The following DDX11 variants were observed in gnomAD, a reference collection of about 807,000 sequenced individuals.
DDX11 encodes the protein ATP-dependent DNA helicase DDX11.
A neutral mutation model predicts 125.2 loss-of-function variants in DDX11; 72 were observed. The ratio of observed to expected loss-of-function variants is 0.58; its 90% CI spans 0.48 to 0.70. The LOEUF (loss-of-function observed/expected upper bound fraction) is 0.70. Among genes scored for constraint, DDX11 ranks in the 30% least tolerant of loss-of-function variants. The pLI is 0.00. For missense variants in DDX11, 883 were observed against 1,165.0 expected, an observed-to-expected ratio of 0.76 and a Z score of 3.52; for synonymous variants, 347 against 452.6, an observed-to-expected ratio of 0.77 and a Z score of 2.96.
intron 12 of DDX11, chr12:31,094,214 C>T (rs1944804536): frequency 9.1e-6 from 3 of 329,380 alleles, no homozygotes; most frequent in South Asian, 2.7e-5. Context: ...GAGCTGGTCT[C>T]GTGTTGCTGC....
chr12:31,080,859 G>A (rs974594217), intron 2 of DDX11, among the ~76,000 whole-genome samples: 1 of 152,104 alleles, frequency 6.6e-6, no homozygotes, highest in African/African-American at 2.4e-5. Context: ...ATCTTCCCAC[G>A]TCAGCCTCCT....
intron 2 of DDX11, among the ~76,000 whole-genome samples, chr12:31,079,709 G>A (rs1415286167): frequency 4.4e-3 from 565 of 129,192 alleles, no homozygotes; most frequent in African/African-American, 0.011. Context: ...GGCTGGTCTC[G>A]AACTCAAGCG....
At chr12:31,102,385 A>G in intron 22 of DDX11, 42 bp from the exon 23 acceptor site, 1 of 1,610,738 alleles carries the variant, frequency 6.2e-7, no homozygotes, top group Non-Finnish European at 8.5e-7. Flanking sequence ...GGTGTCATCC[A>G]AGTTTTGGCT....
intron 14 of DDX11, 112 bp from the exon 15 acceptor site, chr12:31,096,222 CAGAAGGT>C: frequency 7.7e-7 from 1 of 1,294,648 alleles, no homozygotes; most frequent in Non-Finnish European, 1.1e-6. Flanking sequence ...CCAGGTGCCT[CAGAAGGT>C]AGCACTGCGT....
rs542498867 is a variant in DDX11, at chr12:31,102,905, C to T, written c.2373-31C>T. On this transcript the variant is annotated intron_variant, in intron 23 of 26. Transcript: ENST00000542838. ...TGATGACCCGGGAGGTCCTGACGTC[C>T]ACCTGCTGGGCTCTTGTCTCCCCCG... is the stretch of plus-strand genomic sequence containing the variant. 7.4e-5 allele frequency: 119 copies of T among 1,610,598 alleles called. 2 individuals are homozygous for T. The South Asian group carries it at 1.1e-3, about 15-fold the overall frequency.
chr12:31,096,878 C>G lies in DDX11; in HGVS notation c.1650C>G (p.Asp550Glu), dbSNP rs754162876. The G allele has an allele frequency of 6.2e-7, 1 of 1,614,162 alleles. No individual in the cohort carries two copies. The highest frequency in any genetic ancestry group is 2.2e-5 in the East Asian group (1 of 44,882). ...RTTEALAAPA[D>E]ESQASTLRPA... ...GTGCAGCTCTTGCAGCCCCTGCAGA[C>G]GAGAGTCAGGCCAGCACCCTGCGAC... Residue 550 changes from aspartate to glutamate, a missense_variant, in exon 17 of 27, where the codon GAC (aspartate) becomes GAG (glutamate). Asp to Glu is a conservative substitution (Grantham distance 45). Coordinates refer to ENST00000542838, the MANE Select transcript of DDX11 (RefSeq NM_030653.4).
chr12:31,074,508 G>T (rs1255073656), intron 1 of DDX11, among the ~76,000 whole-genome samples: 1 of 152,232 alleles, frequency 6.6e-6, no homozygotes, highest in Non-Finnish European at 1.5e-5. Context: ...GTACAGTACG[G>T]AGGCCAGGAA....
intron 22 of DDX11, 34 bp downstream of exon 22, chr12:31,102,345 C>T (rs375771905): frequency 4.8e-5 from 78 of 1,611,462 alleles, no homozygotes; most frequent in Non-Finnish European, 5.8e-5. Flanking sequence ...GGTCTGAGAT[C>T]GTGTGGGGGT....
At chr12:31,075,034 A>T (rs1055820131) in intron 1 of DDX11, among the ~76,000 whole-genome samples, 1 of 152,164 alleles carries the variant, frequency 6.6e-6, no homozygotes, top group African/African-American at 2.4e-5. Flanking sequence ...TTAAGAACTA[A>T]TATGTTCCTG....
At chr12:31,093,781 C>G in intron 12 of DDX11, 1 of 183,718 alleles carries the variant, frequency 5.4e-6, no homozygotes, top group Admixed American at 6.8e-5. Flanking sequence ...AATTCTTGTT[C>G]TTTGTAGCTT....
intron 21 of DDX11, 77 bp downstream of exon 21, chr12:31,102,059 G>A (rs1313194602): frequency 3.2e-6 from 5 of 1,574,824 alleles, no homozygotes; most frequent in Admixed American, 1.8e-5. Context: ...CGTGCTCATC[G>A]GGTCAGGACA....
rs567518266 is a variant in DDX11, at chr12:31,084,586, G to C, written c.397G>C (p.Glu133Gln). The C allele has an allele frequency of 1.3e-5, 20 of 1,595,306 alleles. No homozygotes were observed. Among genetic ancestry groups the C allele is most frequent in the Admixed American group, 8.6e-5 (5 of 57,988 alleles). Reference protein sequence around the residue: ...ERDLVDRLKAEQARRKQREER... With the variant: ...ERDLVDRLKAQQARRKQREER... ...CCTTCATGTCTGCCTCCTGTAGGCGGAGCAGGCCAGGAGGAAGCAGCGAGA... is the reference window on the plus strand; with the variant it reads ...CCTTCATGTCTGCCTCCTGTAGGCGCAGCAGGCCAGGAGGAAGCAGCGAGA... Residue 133 changes from glutamate to glutamine, a missense_variant, in exon 4 of 27, where the codon GAG becomes CAG. Glu to Gln is a conservative substitution (Grantham distance 29). Coordinates refer to ENST00000542838, the MANE Select transcript of DDX11 (RefSeq NM_030653.4).
chr12:31,099,426 T>A (rs1592791137), intron 18 of DDX11, among the ~76,000 whole-genome samples: 2 of 34,486 alleles, frequency 5.8e-5, no homozygotes, highest in South Asian at 2.2e-3. Flanking sequence ...TTACTTGACC[T>A]TTTATTGTAC....
chr12:31,103,201 G>C (rs1946700123), intron 24 of DDX11, 116 bp from the exon 25 acceptor site: 3 of 1,480,314 alleles, frequency 2.0e-6, no homozygotes, highest in Middle Eastern at 2.3e-4. Flanking sequence ...CTGGACCCCT[G>C]CTGCTGGCAT....
rs1221238168 is a variant in DDX11, at chr12:31,097,898, G to A, written c.1776G>A (p.Gln592=). ...CTGTTTTTCCAGGCAGCCTCAGTCA[G>A]AGCACCCTGAAGTTTTTGCTCCTGA... ...VILSRQGSLS[Q]STLKFLLLNP... The change falls in exon 18 of 27, where the codon CAG becomes CAA. Residue 592 remains glutamine (Q), a synonymous_variant. Coordinates refer to ENST00000542838, the MANE Select transcript of DDX11 (RefSeq NM_030653.4). 1 of 1,613,062 alleles carries A rather than the reference G, an allele frequency of 6.2e-7. No individual in the cohort carries two copies. The highest frequency in any genetic ancestry group is 8.5e-7 in the Non-Finnish European group (1 of 1,179,452).
At chr12:31,079,247 G>A (rs1169173008) in intron 2 of DDX11, among the ~76,000 whole-genome samples, 1 of 151,194 alleles carries the variant, frequency 6.6e-6, no homozygotes, top group Non-Finnish European at 1.5e-5. Flanking sequence ...AGTTAGTTTA[G>A]TTTTTAATAT....
intron 14 of DDX11, among the ~76,000 whole-genome samples, chr12:31,095,617 G>A (rs1433165343): frequency 6.6e-6 from 1 of 152,000 alleles, no homozygotes; most frequent in East Asian, 1.9e-4. Context: ...GCTGGATCCA[G>A]GTCATCCTTG....
chr12:31,076,222 C>T (rs368633499), intron 1 of DDX11, among the ~76,000 whole-genome samples: 3 of 152,180 alleles, frequency 2.0e-5, no homozygotes, highest in African/African-American at 7.2e-5. Flanking sequence ...GATGAGGCCA[C>T]GTGTAAGCGA....
At chr12:31,088,040 C>A in intron 6 of DDX11, 57 bp downstream of exon 6, 2 of 1,601,832 alleles carry the variant, frequency 1.2e-6, no homozygotes, top group East Asian at 2.2e-5. Flanking sequence ...GGCTGTGCAC[C>A]CCTGGGGAGG....
Sources: gnomAD v4.1 joint callset for allele counts (sites outside exome capture counted in the v4.1 genomes callset) on GRCh38, gnomAD v4.1.1 for gene constraint, MANE v1.5 for transcripts, NCBI Gene and HGNC (gene_info 2026-07-23, HGNC 2026-07-21) for gene names.